The following PTPRD variants were observed in gnomAD, a reference collection of about 807,000 sequenced individuals.
PTPRD encodes the protein receptor-type tyrosine-protein phosphatase delta.
PTPRD carries 34 observed loss-of-function variants against 214.5 expected under a neutral mutation model. That is an observed-to-expected ratio of 0.16 (90% CI 0.12 to 0.21). PTPRD has a LOEUF of 0.21. Among genes scored for constraint, PTPRD ranks in the 10% least tolerant of loss-of-function variants. The pLI is 1.00. For synonymous variants in PTPRD, 1,128 were observed against 845.7 expected (o/e 1.33, Z -5.79); for missense variants, 2,545 against 2,398.7 (o/e 1.06, Z -1.27).
At chr9:8,972,035 G>A (rs572029576) in intron 11 of PTPRD, among the ~76,000 whole-genome samples, 5 of 151,742 alleles carry the variant, frequency 3.3e-5, no homozygotes, top group South Asian at 2.1e-4. Context: ...CAATTCTGTG[G>A]CAGGCTAGTT....
rs142969849 is a variant in PTPRD at position 9,770,148 on chromosome 9, G to A, written c.-367-3297C>T. ...CAGTAATGAGATTGCTGGGTCAAAT[G>A]GTACTTCTAGTTCTAGATCCTTGAG... On this transcript the variant is annotated intron_variant, in intron 5 of 45. Transcript: ENST00000381196. 1.9e-4 allele frequency among the ~76,000 whole-genome samples: 29 copies of A among 152,220 alleles called. No homozygotes were observed. In the East Asian group the frequency reaches 2.5e-3, roughly 13 times the overall value.
At chr9:9,280,073 TGGTACTATAAGG>T in intron 9 of PTPRD, among the ~76,000 whole-genome samples, 1 of 151,442 alleles carries the variant, frequency 6.6e-6, no homozygotes, top group African/African-American at 2.4e-5. Context: ...TTACAAAGTG[TGGTACTATAAGG>T]GGCTGCATGA....
chr9:10,554,510 G>GT (rs1161487566), intron 2 of PTPRD, among the ~76,000 whole-genome samples: 1 of 151,956 alleles, frequency 6.6e-6, no homozygotes, highest in Non-Finnish European at 1.5e-5. Flanking sequence ...ATTATCCACA[G>GT]TTTTTTCTTT....
chr9:9,010,899 A>G (rs927450675), intron 11 of PTPRD, among the ~76,000 whole-genome samples: 2 of 152,210 alleles, frequency 1.3e-5, no homozygotes, highest in Non-Finnish European at 2.9e-5. Context: ...CGCTTATTGC[A>G]CAACAGCCAC....
At chr9:9,221,517 G>A (rs1335767759) in intron 9 of PTPRD, among the ~76,000 whole-genome samples, 1 of 152,064 alleles carries the variant, frequency 6.6e-6, no homozygotes, top group Non-Finnish European at 1.5e-5. Context: ...GGTGCTGGCT[G>A]ATTAGATCTC....
intron 2 of PTPRD, among the ~76,000 whole-genome samples, chr9:10,506,797 C>T (rs989501707): frequency 3.3e-5 from 5 of 152,006 alleles, no homozygotes; most frequent in African/African-American, 4.8e-5. Flanking sequence ...ATTTTTGTAA[C>T]GTACTTCAAT....
In PTPRD at chr9:8,675,145, T is replaced by C. The variant is rs180744252; in HGVS notation, c.65-38301A>G. Among the ~76,000 whole-genome samples the C allele has an allele frequency of 5.5e-4, 83 of 152,234 alleles. 1 individual carries two copies. The East Asian group carries it at 0.014, about 26-fold the overall frequency. On this transcript the variant is annotated intron_variant, in intron 12 of 45. Coordinates refer to ENST00000381196, the MANE Select transcript of PTPRD (RefSeq NM_002839.4). Reference sequence around the variant, plus strand: ...ACATATGGGAAGCCTCATGAGATAATGTTTACATGCTTGAGATCCGCAGTT... The same window carrying C: ...ACATATGGGAAGCCTCATGAGATAACGTTTACATGCTTGAGATCCGCAGTT...
chr9:9,764,836 A>G (rs2098693307), intron 6 of PTPRD, among the ~76,000 whole-genome samples: 1 of 152,194 alleles, frequency 6.6e-6, no homozygotes, highest in East Asian at 1.9e-4. Flanking sequence ...TCACAGTGTA[A>G]TAACACCTAG....
intron 9 of PTPRD, among the ~76,000 whole-genome samples, chr9:9,352,798 G>A (rs12057063): frequency 6.6e-6 from 1 of 151,968 alleles, no homozygotes; most frequent in African/African-American, 2.4e-5. Flanking sequence ...TCTGGAAGAA[G>A]ATTCTCTTCT....
Position 9,710,058 on chromosome 9 carries a change from A to G in PTPRD, c.-287+24475T>C, listed in dbSNP as rs1009901753. On this transcript the variant is annotated intron_variant, in intron 7 of 45. Transcript: ENST00000381196. ...AGATTTTGTTTCTTTAAAAAAAAAAATAGAATAGGTCTCTGCCATTCTTAC... is the reference window on the plus strand; with the variant it reads ...AGATTTTGTTTCTTTAAAAAAAAAAGTAGAATAGGTCTCTGCCATTCTTAC... Among the ~76,000 whole-genome samples the G allele has an allele frequency of 4.6e-5, 7 of 152,154 alleles. No individual in the cohort carries two copies. In the East Asian group the frequency reaches 1.2e-3, roughly 25 times the overall value.
chr9:9,845,058 CAATA>C (rs1473202681), intron 5 of PTPRD, among the ~76,000 whole-genome samples: 1 of 46,682 alleles, frequency 2.1e-5, no homozygotes, highest in Non-Finnish European at 6.2e-5. Flanking sequence ...ATATATAGAG[CAATA>C]TATATATATA....
chr9:9,344,481 A>G (rs969368058), intron 9 of PTPRD, among the ~76,000 whole-genome samples: 4 of 151,940 alleles, frequency 2.6e-5, no homozygotes, highest in Admixed American at 6.6e-5. Flanking sequence ...GTATCCCAGA[A>G]CTTAAAGTAA....
chr9:9,546,243 G>A lies in PTPRD; in HGVS notation c.-237+28489C>T, dbSNP rs181753987. ...TCCAAAAGTTGTTGTGGAATTTTTG[G>A]AATTTTTACATAGAAGATCATGTCA... On this transcript the variant is annotated intron_variant, in intron 8 of 45. Coordinates refer to ENST00000381196, the MANE Select transcript of PTPRD (RefSeq NM_002839.4). Among the ~76,000 whole-genome samples, 98 of 151,044 alleles carry A rather than the reference G, an allele frequency of 6.5e-4. 1 individual carries two copies. Among genetic ancestry groups the A allele is most frequent in the Non-Finnish European group, 1.2e-3 (78 of 67,546 alleles).
intron 7 of PTPRD, among the ~76,000 whole-genome samples, chr9:9,583,449 C>T (rs777299998): frequency 1.3e-5 from 2 of 152,128 alleles, no homozygotes; most frequent in East Asian, 3.9e-4. Context: ...ATTCCAAAAA[C>T]GTCCTCTGAA....
At chr9:8,983,582 C>T (rs1188981097) in intron 11 of PTPRD, among the ~76,000 whole-genome samples, 3 of 150,234 alleles carry the variant, frequency 2.0e-5, no homozygotes, top group African/African-American at 7.3e-5. Context: ...AATCACACAT[C>T]ACTGCAACCT....
intron 21 of PTPRD, among the ~76,000 whole-genome samples, chr9:8,508,891 C>G (rs199930675): frequency 2.8e-4 from 39 of 140,592 alleles, no homozygotes; most frequent in East Asian, 1.0e-3. Context: ...GTGTGTGTGT[C>G]TGTGTGTGTG....
chr9:8,828,058 T>C (rs1486944080), intron 11 of PTPRD, among the ~76,000 whole-genome samples: 4 of 152,144 alleles, frequency 2.6e-5, no homozygotes, highest in African/African-American at 9.7e-5. Context: ...AGGAAGTAAA[T>C]CCCATAAAAG....
At chr9:9,259,739 T>C (rs1199303404) in intron 9 of PTPRD, among the ~76,000 whole-genome samples, 2 of 151,884 alleles carry the variant, frequency 1.3e-5, no homozygotes, top group Non-Finnish European at 2.9e-5. Context: ...CTTTCAGTAA[T>C]AGTAAACGCA....
intron 8 of PTPRD, among the ~76,000 whole-genome samples, chr9:9,417,441 C>G (rs149479984): frequency 4.6e-5 from 7 of 152,168 alleles, no homozygotes; most frequent in Non-Finnish European, 8.8e-5. Flanking sequence ...TGGGTCTGTG[C>G]AAATCCAAAA....
Sources: allele counts gnomAD v4.1 joint callset (sites outside exome capture counted in the v4.1 genomes callset), GRCh38; gene constraint gnomAD v4.1.1; transcripts MANE v1.5; gene names NCBI Gene and HGNC (gene_info 2026-07-23, HGNC 2026-07-21).